Variants in THSD4 observed in about 807,000 individuals in gnomAD.
THSD4 encodes the protein thrombospondin type 1 domain containing 4, also known as thrombospondin type-1 domain-containing protein 4.
Under a neutral mutation model 119.0 loss-of-function variants are expected in THSD4, and 69 were observed. The ratio of observed to expected loss-of-function variants is 0.58; its 90% CI spans 0.48 to 0.71. The LOEUF (loss-of-function observed/expected upper bound fraction) is 0.71. Ranked by LOEUF, THSD4 falls within the 30% of genes least tolerant of loss-of-function variation. The pLI is 0.00. For synonymous variants in THSD4, 524 were observed against 540.4 expected (o/e 0.97, Z 0.42); for missense variants, 1,393 against 1,391.1 (o/e 1.00, Z -0.02).
At chr15:71,328,636 C>T (rs1385903862) in intron 6 of THSD4, among the ~76,000 whole-genome samples, 1 of 152,152 alleles carries the variant, frequency 6.6e-6, no homozygotes, top group Non-Finnish European at 1.5e-5. Context: ...TCAGTTGGAA[C>T]TTTTTTTAGA....
intron 3 of THSD4, among the ~76,000 whole-genome samples, chr15:71,206,927 C>T (rs751885187): frequency 2.6e-5 from 4 of 152,146 alleles, no homozygotes; most frequent in Non-Finnish European, 5.9e-5. Flanking sequence ...AGTAACAGAT[C>T]GTATGTTTTC....
At chr15:71,141,831 CA>C in intron 2 of THSD4, among the ~76,000 whole-genome samples, 1 of 152,274 alleles carries the variant, frequency 6.6e-6, no homozygotes, top group South Asian at 2.1e-4. Flanking sequence ...AGGCCGGATG[CA>C]GTGGCTTACA....
chr15:71,748,411 T>C lies in THSD4; in HGVS notation c.2242-10T>C. 1.9e-6 allele frequency: 3 copies of C among 1,613,944 alleles called. No homozygotes were observed. Among genetic ancestry groups the C allele is most frequent in the Non-Finnish European group, 1.7e-6 (2 of 1,179,912 alleles). On this transcript the variant is annotated splice_polypyrimidine_tract_variant and intron_variant, in intron 13 of 17. Coordinates refer to ENST00000261862, the MANE Select transcript of THSD4 (RefSeq NM_024817.3). ...GCTGGTTCCCCTGACGTCAGTGTGCTGTGTTTCAGTGCTCGGTGCCCTGCG... is the reference window on the plus strand; with the variant it reads ...GCTGGTTCCCCTGACGTCAGTGTGCCGTGTTTCAGTGCTCGGTGCCCTGCG...
intron 2 of THSD4, among the ~76,000 whole-genome samples, chr15:71,145,625 A>G (rs1030501161): frequency 6.6e-6 from 1 of 152,222 alleles, no homozygotes; most frequent in Non-Finnish European, 1.5e-5. Context: ...GATCCTGAAT[A>G]CAGAAAGGAA....
intron 1 of THSD4, among the ~76,000 whole-genome samples, chr15:71,125,327 G>A (rs775734154): frequency 3.9e-5 from 6 of 152,076 alleles, no homozygotes; most frequent in Admixed American, 6.5e-5. Context: ...GAGCATAGAC[G>A]GAGCACCAAG....
intron 7 of THSD4, among the ~76,000 whole-genome samples, chr15:71,644,366 A>C (rs753668852): frequency 6.6e-6 from 1 of 152,188 alleles, no homozygotes; most frequent in South Asian, 2.1e-4. Context: ...TTTCAGAGCT[A>C]TATTTTCTGA....
At chr15:71,674,136 T>C (rs2051591216) in intron 8 of THSD4, among the ~76,000 whole-genome samples, 1 of 152,216 alleles carries the variant, frequency 6.6e-6, no homozygotes, top group South Asian at 2.1e-4. Context: ...AAATGTGTGA[T>C]GATGTGTTTA....
At chr15:71,156,869 T>C (rs2040783270) in intron 3 of THSD4, among the ~76,000 whole-genome samples, 1 of 152,084 alleles carries the variant, frequency 6.6e-6, no homozygotes, top group Non-Finnish European at 1.5e-5. Flanking sequence ...AAAATCCTTG[T>C]TGAATGACTG....
chr15:71,284,416 A>G (rs1442779), intron 6 of THSD4, among the ~76,000 whole-genome samples: 111,066 of 151,494 alleles, frequency 0.73, 40,864 homozygotes, highest in East Asian at 0.85. Flanking sequence ...ACAGGGAGAT[A>G]TTCAGCATGT....
chr15:71,215,214 T>TGGCGCCCC lies in THSD4; in HGVS notation c.280_287dup (p.Arg98ProfsTer153). On this transcript the variant is annotated frameshift_variant, in exon 4 of 18. Coordinates refer to ENST00000261862, the MANE Select transcript of THSD4 (RefSeq NM_024817.3). LOFTEE classifies it high-confidence loss of function. The stretch of plus-strand genomic sequence containing the variant: ...ACCGCCTGCGCGGCGGCCAGCGGCC[T>TGGCGCCCC]GGCGCCCCTGCGCGCGCCTTCGCGG... The TGGCGCCCC allele has an allele frequency of 7.3e-7, 1 of 1,375,848 alleles. No homozygotes were observed. The highest frequency in any genetic ancestry group is 9.3e-7 in the Non-Finnish European group (1 of 1,069,932). 85.2% of individuals were successfully genotyped at this position (1,375,848 alleles called of 1,614,324 possible).
intron 3 of THSD4, chr15:71,186,029 C>T (rs1444633795): frequency 6.6e-6 from 1 of 152,168 alleles, no homozygotes; most frequent in African/African-American, 2.4e-5. Context: ...ATTTTTTAAT[C>T]CTGGCAACAA....
intron 6 of THSD4, among the ~76,000 whole-genome samples, chr15:71,310,854 G>A (rs4777369): frequency 0.9 from 136,735 of 152,230 alleles, 62,825 homozygotes; most frequent in East Asian, 1. Flanking sequence ...CTGAGAGACA[G>A]GGGGGCAGGA....
chr15:71,608,127 G>A (rs184166442), intron 7 of THSD4, among the ~76,000 whole-genome samples: 12 of 151,642 alleles, frequency 7.9e-5, no homozygotes, highest in Non-Finnish European at 1.8e-4. Flanking sequence ...TGGGGCCGAG[G>A]CAGGAGAATT....
intron 6 of THSD4, among the ~76,000 whole-genome samples, chr15:71,326,693 AAAAAAAAATATAT>A (rs1435465538): frequency 1.2e-4 from 6 of 50,480 alleles, no homozygotes; most frequent in African/African-American, 4.8e-4. Flanking sequence ...AAAAAAAAAA[AAAAAAAAATATAT>A]ATATATATAT....
intron 7 of THSD4, among the ~76,000 whole-genome samples, chr15:71,424,980 T>A (rs2046850587): frequency 6.6e-6 from 1 of 152,046 alleles, no homozygotes; most frequent in Non-Finnish European, 1.5e-5. Context: ...ACTTTAATGA[T>A]CCTGAGTCAG....
At chr15:71,476,934 G>A (rs982285393) in intron 7 of THSD4, among the ~76,000 whole-genome samples, 1 of 152,198 alleles carries the variant, frequency 6.6e-6, no homozygotes, top group African/African-American at 2.4e-5. Flanking sequence ...CTTTTCTATA[G>A]GGTGAGCATG....
intron 7 of THSD4, among the ~76,000 whole-genome samples, chr15:71,570,839 C>T (rs1165578536): frequency 6.6e-6 from 1 of 152,142 alleles, no homozygotes; most frequent in East Asian, 1.9e-4. Flanking sequence ...AGATTCATTC[C>T]AGCTGTGACA....
chr15:71,487,887 T>G (rs2047847301), intron 7 of THSD4, among the ~76,000 whole-genome samples: 1 of 152,074 alleles, frequency 6.6e-6, no homozygotes, highest in South Asian at 2.1e-4. Flanking sequence ...TCATAAATTC[T>G]TTTTTATTTC....
At chr15:71,194,996 G>A (rs1016238449) in intron 3 of THSD4, among the ~76,000 whole-genome samples, 1 of 152,080 alleles carries the variant, frequency 6.6e-6, no homozygotes, top group Non-Finnish European at 1.5e-5. Context: ...GACCATGTCT[G>A]TCATAGTCCA....
Sources: allele counts gnomAD v4.1 joint callset (sites outside exome capture counted in the v4.1 genomes callset), GRCh38; gene constraint gnomAD v4.1.1; transcripts MANE v1.5; gene names NCBI Gene and HGNC (gene_info 2026-07-23, HGNC 2026-07-21).